The following HAPSTR1 variants were observed in gnomAD, a reference collection of about 807,000 sequenced individuals.
The protein encoded by HAPSTR1 is HUWE1-associated protein modifying stress responses 1.
chr16:9,094,952 A>C, the HAPSTR1 span, among the ~76,000 whole-genome samples: 7 of 152,272 alleles, frequency 4.6e-5, 1 homozygote, highest in Non-Finnish European at 7.3e-5. Context: ...TGGGTTCAGC[A>C]GTTGAACTCT....
the HAPSTR1 span, chr16:9,092,026 C>G: frequency 1.3e-6 from 2 of 1,492,010 alleles, no homozygotes; most frequent in Non-Finnish European, 1.8e-6. Context: ...GGCGGCGAGG[C>G]CGCGGGAGGC....
At chr16:9,091,776 G>A in the HAPSTR1 span, 1 of 395,496 alleles carries the variant, frequency 2.5e-6, no homozygotes, top group Non-Finnish European at 4.5e-6. Context: ...GCCGAGGCGA[G>A]GGGCGGCAGC....
the HAPSTR1 span, among the ~76,000 whole-genome samples, chr16:9,115,639 T>G: frequency 6.6e-6 from 1 of 152,212 alleles, no homozygotes; most frequent in Non-Finnish European, 1.5e-5. Context: ...CTTTTGTTTT[T>G]GAGACGGAGT....
At chr16:9,095,104 T>A in the HAPSTR1 span, among the ~76,000 whole-genome samples, 5 of 152,252 alleles carry the variant, frequency 3.3e-5, no homozygotes. Flanking sequence ...AATGCTAGAT[T>A]GTTAGTCTGA....
At chr16:9,113,167 G>T in the HAPSTR1 span, 1 of 151,608 alleles carries the variant, frequency 6.6e-6, no homozygotes, top group Non-Finnish European at 1.5e-5. Context: ...ATAAAATTTG[G>T]GCTGTCAAAA....
At chr16:9,103,234 C>T in the HAPSTR1 span, 1 of 1,614,078 alleles carries the variant, frequency 6.2e-7, no homozygotes, top group Non-Finnish European at 8.5e-7. Context: ...ATTTGCAACC[C>T]TTCCGGGAAG....
the HAPSTR1 span, chr16:9,108,425 A>G: frequency 6.6e-6 from 1 of 152,198 alleles, no homozygotes; most frequent in Non-Finnish European, 1.5e-5. Flanking sequence ...GGTGCAAGCC[A>G]TACCCCAACC....
At chr16:9,109,847 T>C in the HAPSTR1 span, 1 of 152,172 alleles carries the variant, frequency 6.6e-6, no homozygotes, top group Admixed American at 6.5e-5. Flanking sequence ...CTCCTTAGTG[T>C]TGATTGCCGA....
the HAPSTR1 span, among the ~76,000 whole-genome samples, chr16:9,114,499 A>G: frequency 3.9e-5 from 6 of 152,164 alleles, no homozygotes; most frequent in African/African-American, 1.4e-4. Flanking sequence ...TGGGAGAGAC[A>G]GACATTTGCA....
the HAPSTR1 span, chr16:9,092,853 T>G: frequency 9.9e-6 from 14 of 1,419,780 alleles, no homozygotes; most frequent in East Asian, 2.4e-5. Flanking sequence ...TCTTGTTCTC[T>G]TTCTTTCTCT....
chr16:9,116,971 A>G, the HAPSTR1 span: 11 of 1,590,470 alleles, frequency 6.9e-6, no homozygotes, highest in Admixed American at 5.1e-5. Flanking sequence ...CTCAACATAT[A>G]CTATAATTGC....
chr16:9,115,779 A>G, the HAPSTR1 span, among the ~76,000 whole-genome samples: 1 of 151,908 alleles, frequency 6.6e-6, no homozygotes, highest in African/African-American at 2.4e-5. Context: ...ACGCCGGGCT[A>G]ATTTTTGTAT....
the HAPSTR1 span, chr16:9,091,981 G>A: frequency 7.6e-7 from 1 of 1,318,762 alleles, no homozygotes; most frequent in Non-Finnish European, 9.8e-7. Flanking sequence ...CGACGCTCCC[G>A]CGGGGGCCCC....
At chr16:9,093,099 G>A in the HAPSTR1 span, 3 of 1,211,942 alleles carry the variant, frequency 2.5e-6, no homozygotes, top group Admixed American at 2.1e-5. Flanking sequence ...CCCCAGCCCA[G>A]CTGCTAACCT....
chr16:9,116,411 C>A, the HAPSTR1 span, among the ~76,000 whole-genome samples: 1 of 152,116 alleles, frequency 6.6e-6, no homozygotes, highest in African/African-American at 2.4e-5. Flanking sequence ...GTACACCTAG[C>A]ACGGTGGTTG....
chr16:9,116,604 A>C, the HAPSTR1 span: 1 of 1,567,458 alleles, frequency 6.4e-7, no homozygotes, highest in Non-Finnish European at 8.7e-7. Context: ...ATGGAAAGTA[A>C]GTGGGTTGCT....
At chr16:9,117,102 T>G in the HAPSTR1 span, 4 of 769,936 alleles carry the variant, frequency 5.2e-6, no homozygotes. Context: ...TATGGCTTTC[T>G]TAAAACTATA....
chr16:9,103,596 TTAAGAATTC>T, the HAPSTR1 span: 1 of 212,040 alleles, frequency 4.7e-6, no homozygotes, highest in African/African-American at 2.3e-5. Flanking sequence ...TTCTTGTGTC[TTAAGAATTC>T]TGTTATATTT....
chr16:9,116,664 C>T, the HAPSTR1 span: 3 of 1,609,838 alleles, frequency 1.9e-6, no homozygotes, highest in South Asian at 1.1e-5. Flanking sequence ...TTTCTTCTTC[C>T]TAGGTCTTAG....
Sources: gnomAD v4.1 joint callset for allele counts (sites outside exome capture counted in the v4.1 genomes callset) on GRCh38, gnomAD v4.1.1 for gene constraint, MANE v1.5 for transcripts, NCBI Gene and HGNC (gene_info 2026-07-23, HGNC 2026-07-21) for gene names.